Variants in MRPS5 observed in about 807,000 individuals in gnomAD.
MRPS5 encodes the protein small ribosomal subunit protein uS5m.
In MRPS5, 27 loss-of-function variants were observed where a neutral mutation model predicts 51.9. The ratio of observed to expected loss-of-function variants is 0.52; its 90% confidence interval spans 0.38 to 0.72. MRPS5 has a LOEUF of 0.72. Ranked by LOEUF, MRPS5 falls within the 30% of genes least tolerant of loss-of-function variation. MRPS5 has a pLI of 0.00. For synonymous variants in MRPS5, 196 were observed against 193.2 expected, an observed-to-expected ratio of 1.01 and a Z score of -0.12; for missense variants, 570 against 545.7, an observed-to-expected ratio of 1.04 and a Z score of -0.44.
At chr2:95,114,929 A>G in intron 3 of MRPS5, 137 bp downstream of exon 3, 1 of 781,020 alleles carries the variant, frequency 1.3e-6, no homozygotes, top group South Asian at 2.8e-5. Context: ...ATGTACATCA[A>G]GGAACATTTT....
intron 10 of MRPS5, chr2:95,092,566 G>A (rs868285782): frequency 6.6e-6 from 1 of 152,100 alleles, no homozygotes; most frequent in East Asian, 1.9e-4. Flanking sequence ...TTCAGGAAAC[G>A]TCTAAAAGTA....
chr2:95,092,721 T>A (rs1675504187), intron 10 of MRPS5: 1 of 152,312 alleles, frequency 6.6e-6, no homozygotes, highest in Middle Eastern at 3.4e-3. Flanking sequence ...AAATTAAAAT[T>A]ACAGCAGTCA....
rs371795633 is a variant in MRPS5, at chr2:95,108,329, G to A, written c.483C>T (p.Ser161=). 1.2e-6 allele frequency: 2 copies of A among 1,613,948 alleles called. No homozygotes were observed. The highest frequency in any genetic ancestry group is 2.7e-5 in the African/African-American group (2 of 74,876). ...CCTCCACCTTCTCCTGCTCTTCCTT[G>A]CTTCTTTGGGCAATGGTCTGCACTG... ...NGAVQTIAQR[S]KEEQEKVEAD... Residue 161 remains serine, a synonymous_variant, in exon 5 of 12, where the codon AGC becomes AGT. Transcript: ENST00000272418.
rs186494941 is a variant in MRPS5 at position 95,094,990 on chromosome 2, G to A, written c.932-4468C>T. Among the ~76,000 whole-genome samples, 35 of 152,254 alleles carry A rather than the reference G, an allele frequency of 2.3e-4. No individual in the cohort carries two copies. In the Middle Eastern group the frequency reaches 0.01, roughly 44 times the overall value. On this transcript the variant is annotated intron_variant, in intron 10 of 11. Coordinates refer to ENST00000272418, the MANE Select transcript of MRPS5 (RefSeq NM_031902.5). ...GCTGTATTCAGGAGACCCATCTCAC[G>A]TGCAGAGACACATATAGGCTCAAAA...
intron 3 of MRPS5, among the ~76,000 whole-genome samples, chr2:95,114,075 G>A (rs1407852473): frequency 1.7e-5 from 2 of 119,054 alleles, no homozygotes; most frequent in South Asian, 2.9e-4. Context: ...AGCCGAGATC[G>A]CACTACTGTA....
intron 7 of MRPS5, 39 bp downstream of exon 7, chr2:95,104,601 C>A: frequency 6.2e-7 from 1 of 1,606,204 alleles, no homozygotes; most frequent in Non-Finnish European, 8.5e-7. Flanking sequence ...CCTTTCCCTG[C>A]ACACCACCGC....
rs575316588 is a variant in MRPS5, at chr2:95,086,508, C to G, written c.*849G>C. ...CCTAAACTGAGCAACACAGAGAAAA[C>G]AGACTGGAAAAAAAATAAACAGCGC... On this transcript the variant is annotated 3_prime_UTR_variant, in exon 12 of 12. Transcript: ENST00000272418. Among the ~76,000 whole-genome samples, 1 of 151,980 alleles carries G rather than the reference C, an allele frequency of 6.6e-6. No homozygotes were observed. Among genetic ancestry groups the G allele is most frequent in the South Asian group, 2.1e-4 (1 of 4,792 alleles).
In MRPS5 at chr2:95,099,328, G is replaced by A. The variant is rs138205690; in HGVS notation, c.931+1146C>T. Among the ~76,000 whole-genome samples the A allele has an allele frequency of 5.2e-3, 791 of 151,526 alleles. 5 individuals are homozygous for A. The highest frequency in any genetic ancestry group is 0.014 in the African/African-American group (579 of 41,334). On this transcript the variant is annotated intron_variant, in intron 10 of 11. Transcript: ENST00000272418. ...GCCCAACATAAACATGATCCAAGTC[G>A]TAAGCAGAAGCCATATATATAATTT... is the stretch of plus-strand genomic sequence containing the variant.
At chr2:95,087,814 C>A (rs1675342115) in intron 11 of MRPS5, among the ~76,000 whole-genome samples, 1 of 152,168 alleles carries the variant, frequency 6.6e-6, no homozygotes, top group Admixed American at 6.5e-5. Flanking sequence ...AGGGCCTTGG[C>A]CTCTGGTCTC....
At chr2:95,100,032 G>A (rs1041502825) in intron 10 of MRPS5, among the ~76,000 whole-genome samples, 1 of 152,112 alleles carries the variant, frequency 6.6e-6, no homozygotes, top group Non-Finnish European at 1.5e-5. Context: ...CACAAAACAG[G>A]AAAGACCATC....
intron 10 of MRPS5, among the ~76,000 whole-genome samples, chr2:95,096,867 G>T (rs1268231986): frequency 6.6e-6 from 1 of 152,058 alleles, no homozygotes; most frequent in African/African-American, 2.4e-5. Context: ...AGAAATAAAG[G>T]GTATTCAATT....
rs145521150 is a variant in MRPS5 at position 95,090,534 on chromosome 2, G to A, written c.932-12C>T. ...GCGGAGGCCGTAACCTAGAAAAGGA[G>A]AAACCGGGTGAAACACAGCCCACTC... On this transcript the variant is annotated splice_polypyrimidine_tract_variant and intron_variant, in intron 10 of 11. Coordinates refer to ENST00000272418, the MANE Select transcript of MRPS5 (RefSeq NM_031902.5). The A allele has an allele frequency of 6.2e-7, 1 of 1,613,920 alleles. No homozygotes were observed. Among genetic ancestry groups the A allele is most frequent in the African/African-American group, 1.3e-5 (1 of 75,036 alleles).
intron 2 of MRPS5, 111 bp downstream of exon 2, chr2:95,117,754 A>C: frequency 1.1e-6 from 1 of 881,182 alleles, no homozygotes; most frequent in South Asian, 1.6e-5. Flanking sequence ...AAATGAAAAA[A>C]GAAAAGAGAG....
intron 10 of MRPS5, 67 bp downstream of exon 10, chr2:95,100,407 G>C: frequency 8.5e-7 from 1 of 1,172,026 alleles, no homozygotes; most frequent in Admixed American, 2.0e-5. Flanking sequence ...CAAAAATAGA[G>C]GAGAGGATAG....
chr2:95,101,871 A>G, intron 7 of MRPS5, 148 bp from the exon 8 acceptor site: 1 of 605,918 alleles, frequency 1.7e-6, no homozygotes, highest in Non-Finnish European at 2.9e-6. Flanking sequence ...AACCATTAAT[A>G]GGCTGGGTGT....
At chr2:95,119,058 AC>A (rs1676368940) in intron 1 of MRPS5, among the ~76,000 whole-genome samples, 2 of 152,218 alleles carry the variant, frequency 1.3e-5, no homozygotes, top group African/African-American at 4.8e-5. Flanking sequence ...AAGTGAAAAG[AC>A]ACACAGAATG....
chr2:95,087,231 A>T lies in MRPS5; in HGVS notation c.*126T>A. The T allele has an allele frequency of 1.5e-6, 1 of 649,806 alleles. No homozygotes were observed. Among genetic ancestry groups the T allele is most frequent in the Non-Finnish European group, 2.6e-6 (1 of 382,404 alleles). The allele number at this position is 649,806 out of a possible 1,614,324, so 40.3% of individuals were successfully genotyped here. A position where few individuals can be genotyped will look rare whatever the true frequency, so the allele number is the denominator to read the frequency against. ...ATGAAAGCTATAATTATTTATTTCC[A>T]AAGAGTTTAAAGATTAAACTTCCCT... is the stretch of plus-strand genomic sequence containing the variant. On this transcript the variant is annotated 3_prime_UTR_variant, in exon 12 of 12. Transcript: ENST00000272418.
Position 95,085,513 on chromosome 2 carries a change from C to CA in MRPS5, c.*1843dup, listed in dbSNP as rs988430173. On this transcript the variant is annotated 3_prime_UTR_variant, in exon 12 of 12. Transcript: ENST00000272418. Reference sequence around the variant, plus strand: ...CCTTACTCTAGCAAAATACCACACACAAAAAAAGGGGACCCACCCACACCA... The same window carrying CA: ...CCTTACTCTAGCAAAATACCACACACAAAAAAAAGGGGACCCACCCACACCA... 2.0e-5 allele frequency among the ~76,000 whole-genome samples: 3 copies of CA among 152,058 alleles called. No homozygotes were observed. The highest frequency in any genetic ancestry group is 4.8e-5 in the African/African-American group (2 of 41,412).
At chr2:95,114,082 T>C (rs569572944) in intron 3 of MRPS5, among the ~76,000 whole-genome samples, 100 of 126,052 alleles carry the variant, frequency 7.9e-4, no homozygotes, top group Admixed American at 1.8e-3. Flanking sequence ...ATCGCACTAC[T>C]GTACTCCGGC....
Sources: gnomAD v4.1 joint callset for allele counts (sites outside exome capture counted in the v4.1 genomes callset) on GRCh38, gnomAD v4.1.1 for gene constraint, MANE v1.5 for transcripts, NCBI Gene and HGNC (gene_info 2026-07-23, HGNC 2026-07-21) for gene names.